Variants in FOXP2 observed in about 807,000 individuals in gnomAD.
The protein encoded by FOXP2 is forkhead box P2, also known as forkhead box protein P2.
FOXP2 carries 12 observed loss-of-function variants against 115.8 expected under a neutral mutation model. The ratio of observed to expected loss-of-function variants is 0.10; its 90% CI spans 0.07 to 0.17. The LOEUF is 0.17. Ranked by LOEUF, FOXP2 falls within the 10% of genes least tolerant of loss-of-function variation. The pLI, the probability that FOXP2 is intolerant of heterozygous loss-of-function variation, is 1.00. For synonymous variants in FOXP2, 328 were observed against 297.7 expected, an observed-to-expected ratio of 1.10 and a Z score of -1.05; for missense variants, 629 against 843.5, an observed-to-expected ratio of 0.75 and a Z score of 3.15.
At chr7:114,656,587 T>C (rs1051708993) in intron 10 of FOXP2, 2 of 414,626 alleles carry the variant, frequency 4.8e-6, no homozygotes, top group East Asian at 7.4e-5. Context: ...ATCTCAGCTT[T>C]CATTTATGTA....
chr7:114,621,253 T>A (rs1446097822), intron 3 of FOXP2, among the ~76,000 whole-genome samples: 1 of 152,096 alleles, frequency 6.6e-6, no homozygotes, highest in East Asian at 1.9e-4. Flanking sequence ...CTTTTTGATA[T>A]CTATAAAGAA....
intron 3 of FOXP2, among the ~76,000 whole-genome samples, chr7:114,571,609 G>T (rs562899462): frequency 6.6e-6 from 1 of 151,742 alleles, no homozygotes; most frequent in Non-Finnish European, 1.5e-5. Context: ...GGAAAAAATG[G>T]ATGGTTGCAT....
chr7:114,314,040 A>G (rs1020485073), intron 2 of FOXP2, among the ~76,000 whole-genome samples: 6 of 151,820 alleles, frequency 4.0e-5, no homozygotes, highest in African/African-American at 1.4e-4. Context: ...AGAAAGCAGA[A>G]CCAAAAAGAA....
intron 1 of FOXP2, among the ~76,000 whole-genome samples, chr7:114,180,535 T>C (rs1293907705): frequency 6.6e-6 from 1 of 151,994 alleles, no homozygotes; most frequent in Non-Finnish European, 1.5e-5. Context: ...ATATCCCTGC[T>C]TAAATGTCCC....
chr7:114,251,755 CTCTTTTCCTAATTGAATATCCTTTCTT>C (rs1795451073), intron 1 of FOXP2, among the ~76,000 whole-genome samples: 1 of 152,170 alleles, frequency 6.6e-6, no homozygotes, highest in Non-Finnish European at 1.5e-5. Context: ...TTTGACTTCT[CTCTTTTCCTAATTGAATATCCTTTCTT>C]TCTTTCTCCT....
intron 2 of FOXP2, among the ~76,000 whole-genome samples, chr7:114,520,643 C>T (rs1249029407): frequency 6.6e-6 from 1 of 151,916 alleles, no homozygotes; most frequent in Non-Finnish European, 1.5e-5. Flanking sequence ...AAAATACAAA[C>T]ATAGGTAGGT....
intron 2 of FOXP2, among the ~76,000 whole-genome samples, chr7:114,517,063 C>T (rs955033284): frequency 4.0e-5 from 6 of 151,458 alleles, no homozygotes; most frequent in Non-Finnish European, 8.8e-5. Context: ...TGAGATGATA[C>T]CTCATTGTGG....
intron 2 of FOXP2, among the ~76,000 whole-genome samples, chr7:114,327,545 A>G (rs1797589970): frequency 6.6e-6 from 1 of 150,684 alleles, no homozygotes; most frequent in Non-Finnish European, 1.5e-5. Context: ...TCTGTTGCCC[A>G]GGCTGGAGTG....
chr7:114,598,927 T>C (rs1264839754), intron 3 of FOXP2, among the ~76,000 whole-genome samples: 1 of 152,176 alleles, frequency 6.6e-6, no homozygotes, highest in East Asian at 1.9e-4. Context: ...TTTTTATATG[T>C]TGACTTTGGA....
chr7:114,213,621 G>T (rs1794412504), intron 1 of FOXP2, among the ~76,000 whole-genome samples: 1 of 151,924 alleles, frequency 6.6e-6, no homozygotes, highest in East Asian at 1.9e-4. Flanking sequence ...ATTTGAATTT[G>T]TCATTTTAAA....
intron 1 of FOXP2, among the ~76,000 whole-genome samples, chr7:114,101,418 A>G (rs1790953341): frequency 6.6e-6 from 1 of 152,122 alleles, no homozygotes; most frequent in Non-Finnish European, 1.5e-5. Flanking sequence ...GTTGGCCATG[A>G]CAGACTTTCT....
At chr7:114,644,610 A>T in intron 7 of FOXP2, 75 bp from the exon 8 acceptor site, 1 of 1,258,348 alleles carries the variant, frequency 7.9e-7, no homozygotes, top group East Asian at 2.3e-5. Context: ...ACTGATCGTA[A>T]CCTGACAGGC....
intron 2 of FOXP2, among the ~76,000 whole-genome samples, chr7:114,376,379 G>C (rs931250491): frequency 1.3e-5 from 2 of 152,202 alleles, no homozygotes. Context: ...GTGTTAAATA[G>C]AAATGATGAT....
At chr7:114,395,607 A>G (rs1792717649) in intron 2 of FOXP2, among the ~76,000 whole-genome samples, 1 of 152,132 alleles carries the variant, frequency 6.6e-6, no homozygotes, top group Admixed American at 6.5e-5. Context: ...TATACATTTA[A>G]GAAGTCAATG....
intron 3 of FOXP2, among the ~76,000 whole-genome samples, chr7:114,579,567 GT>G (rs1278427174): frequency 6.7e-6 from 1 of 149,186 alleles, no homozygotes; most frequent in Non-Finnish European, 1.5e-5. Context: ...TTTTTTTTCT[GT>G]CCCCCCATAG....
intron 1 of FOXP2, among the ~76,000 whole-genome samples, chr7:114,116,788 G>A (rs1266318351): frequency 6.6e-6 from 1 of 151,772 alleles, no homozygotes; most frequent in African/African-American, 2.4e-5. Flanking sequence ...GAGATGTGAG[G>A]AAGGGTCTCT....
intron 2 of FOXP2, among the ~76,000 whole-genome samples, chr7:114,390,721 ATT>A (rs967708161): frequency 1.3e-5 from 2 of 148,416 alleles, no homozygotes; most frequent in South Asian, 4.3e-4. Flanking sequence ...CACCTAGCTG[ATT>A]TTTTTTTTTC....
chr7:114,424,684 T>C (rs954753093), intron 1 of FOXP2, among the ~76,000 whole-genome samples: 2 of 151,548 alleles, frequency 1.3e-5, no homozygotes, highest in Admixed American at 6.6e-5. Flanking sequence ...TTTTAATTTA[T>C]ATGATTTTTT....
At chr7:114,518,417 G>A (rs1798447841) in intron 2 of FOXP2, among the ~76,000 whole-genome samples, 1 of 152,042 alleles carries the variant, frequency 6.6e-6, no homozygotes, top group Admixed American at 6.6e-5. Flanking sequence ...ATGCTTGACA[G>A]TGAATTATTA....
Sources: allele counts gnomAD v4.1 joint callset (sites outside exome capture counted in the v4.1 genomes callset), GRCh38; gene constraint gnomAD v4.1.1; transcripts MANE v1.5; gene names NCBI Gene and HGNC (gene_info 2026-07-23, HGNC 2026-07-21).